Variants in ITPR2 observed in about 807,000 individuals in gnomAD.
ITPR2 encodes inositol 1,4,5-trisphosphate receptor type 2, also known as inositol 1,4,5-trisphosphate-gated calcium channel ITPR2.
In ITPR2, 207 loss-of-function variants were observed where a neutral mutation model predicts 317.1. That is an observed-to-expected ratio of 0.65 (90% CI 0.58 to 0.73). The LOEUF is 0.73. Ranked by LOEUF, ITPR2 falls within the 30% of genes least tolerant of loss-of-function variation. The probability of loss-of-function intolerance (pLI) is 0.00; values close to 1 mark genes in which losing one functional copy is unlikely to be tolerated. For synonymous variants in ITPR2, 1,156 were observed against 1,149.1 expected, an observed-to-expected ratio of 1.01 and a Z score of -0.12; for missense variants, 2,613 against 3,284.0, an observed-to-expected ratio of 0.80 and a Z score of 4.99.
intron 21 of ITPR2, among the ~76,000 whole-genome samples, chr12:26,634,416 A>G (rs1221702381): frequency 6.6e-6 from 1 of 152,226 alleles, no homozygotes; most frequent in East Asian, 1.9e-4. Flanking sequence ...TATTGACTGG[A>G]AAGTTTTCAG....
chr12:26,727,443 T>G (rs1182641382), intron 2 of ITPR2, among the ~76,000 whole-genome samples: 2 of 152,238 alleles, frequency 1.3e-5, no homozygotes, highest in African/African-American at 2.4e-5. Context: ...GAAAAAATTG[T>G]GTTTCTCTTC....
chr12:26,584,544 G>A (rs1284233332), intron 32 of ITPR2, among the ~76,000 whole-genome samples: 1 of 152,062 alleles, frequency 6.6e-6, no homozygotes. Flanking sequence ...CCCTTCCAAG[G>A]ATGATCGTCT....
intron 2 of ITPR2, among the ~76,000 whole-genome samples, chr12:26,744,304 C>T (rs2137089163): frequency 6.6e-6 from 1 of 152,348 alleles, no homozygotes; most frequent in Non-Finnish European, 1.5e-5. Context: ...CCCAGCCACA[C>T]CATCCTACTT....
intron 52 of ITPR2, among the ~76,000 whole-genome samples, chr12:26,404,745 G>C (rs1268313406): frequency 1.3e-5 from 2 of 152,164 alleles, no homozygotes; most frequent in Non-Finnish European, 2.9e-5. Context: ...GAAAGAGAGA[G>C]AACAGATGAT....
intron 15 of ITPR2, among the ~76,000 whole-genome samples, chr12:26,659,598 A>G (rs1947451024): frequency 6.6e-6 from 1 of 152,224 alleles, no homozygotes; most frequent in Non-Finnish European, 1.5e-5. Context: ...TTTATGACAC[A>G]ATAACTTTGG....
chr12:26,666,387 C>T (rs769762142), intron 13 of ITPR2, among the ~76,000 whole-genome samples: 1 of 152,188 alleles, frequency 6.6e-6, no homozygotes, highest in Non-Finnish European at 1.5e-5. Context: ...TCTCATCAAG[C>T]GTTTGCAGAC....
At chr12:26,725,239 G>C (rs921243467) in intron 3 of ITPR2, among the ~76,000 whole-genome samples, 1 of 152,086 alleles carries the variant, frequency 6.6e-6, no homozygotes, top group African/African-American at 2.4e-5. Flanking sequence ...TTTTAATGAG[G>C]CAAAATTAAG....
chr12:26,823,031 C>G (rs1950961283), intron 1 of ITPR2, among the ~76,000 whole-genome samples: 1 of 152,044 alleles, frequency 6.6e-6, no homozygotes, highest in Non-Finnish European at 1.5e-5. Flanking sequence ...GACAAATATT[C>G]TAATGATCCT....
At position 26,409,438 on chromosome 12, in the gene ITPR2, C is replaced by T. The variant is rs867018370; in HGVS notation, c.7399+1882G>A. ...GAATTGCACAAAATGCAACCATGTCCATGTGAGAGCATGTTCTAGTGCTTA... is the reference window on the plus strand; with the variant it reads ...GAATTGCACAAAATGCAACCATGTCTATGTGAGAGCATGTTCTAGTGCTTA... On this transcript the variant is annotated intron_variant, in intron 52 of 56. Coordinates refer to ENST00000381340, the MANE Select transcript of ITPR2 (RefSeq NM_002223.4). Among the ~76,000 whole-genome samples, 3 of 152,258 alleles carry T rather than the reference C, an allele frequency of 2.0e-5. No individual in the cohort carries two copies. In the South Asian group the frequency reaches 6.2e-4, roughly 32 times the overall value.
chr12:26,809,836 A>T (rs1459791858), intron 1 of ITPR2, among the ~76,000 whole-genome samples: 2 of 151,272 alleles, frequency 1.3e-5, no homozygotes, highest in East Asian at 3.9e-4. Flanking sequence ...TTAATAATAG[A>T]CTCCCTCTTT....
Position 26,430,169 on chromosome 12 carries a change from A to G in ITPR2, c.6770-2081T>C, listed in dbSNP as rs1327089403. Among the ~76,000 whole-genome samples, 3 of 152,268 alleles carry G rather than the reference A, an allele frequency of 2.0e-5. No homozygotes were observed. In the East Asian group the frequency reaches 5.8e-4, roughly 29 times the overall value. ...AAAGTTATTTAAAACAGCTATTGCC[A>G]ATGTTTATAATTAACTTCTCTAAGA... On this transcript the variant is annotated intron_variant, in intron 48 of 56. Coordinates refer to ENST00000381340, the MANE Select transcript of ITPR2 (RefSeq NM_002223.4).
intron 1 of ITPR2, among the ~76,000 whole-genome samples, chr12:26,799,331 A>G (rs961233879): frequency 6.6e-5 from 10 of 152,262 alleles, no homozygotes; most frequent in Admixed American, 5.9e-4. Context: ...GATGAATGCT[A>G]TCACCCTGAC....
chr12:26,388,630 CT>C (rs537635641), intron 54 of ITPR2, among the ~76,000 whole-genome samples: 116 of 147,118 alleles, frequency 7.9e-4, no homozygotes, highest in Non-Finnish European at 1.1e-3. Flanking sequence ...ATTTTTGTAT[CT>C]TTTTTTTTTT....
At chr12:26,499,966 C>G (rs1943033458) in intron 37 of ITPR2, among the ~76,000 whole-genome samples, 1 of 152,136 alleles carries the variant, frequency 6.6e-6, no homozygotes, top group African/African-American at 2.4e-5. Context: ...CTAAGACAAA[C>G]TCTGGTGCTA....
chr12:26,567,999 ATATATAT>A (rs1945046469), intron 34 of ITPR2, among the ~76,000 whole-genome samples: 2 of 5,132 alleles, frequency 3.9e-4, no homozygotes, highest in East Asian at 1.6e-3. Context: ...TATATATATT[ATATATAT>A]TATATATATA....
intron 39 of ITPR2, among the ~76,000 whole-genome samples, chr12:26,487,668 A>G (rs909526189): frequency 1.3e-5 from 2 of 152,246 alleles, no homozygotes; most frequent in Non-Finnish European, 2.9e-5. Context: ...ATGGAAACCA[A>G]CAACAATCCT....
At chr12:26,571,235 T>C (rs1004563831) in intron 34 of ITPR2, among the ~76,000 whole-genome samples, 3 of 152,204 alleles carry the variant, frequency 2.0e-5, no homozygotes, top group Non-Finnish European at 2.9e-5. Context: ...ATATTCACAA[T>C]TGATCGTGGC....
At chr12:26,541,066 G>C (rs2136982072) in intron 37 of ITPR2, among the ~76,000 whole-genome samples, 1 of 150,988 alleles carries the variant, frequency 6.6e-6, no homozygotes, top group African/African-American at 2.4e-5. Context: ...CCAGCACTTT[G>C]GGAGGCCGAG....
At chr12:26,651,758 T>C (rs1947260786) in intron 21 of ITPR2, among the ~76,000 whole-genome samples, 1 of 152,228 alleles carries the variant, frequency 6.6e-6, no homozygotes, top group Non-Finnish European at 1.5e-5. Context: ...ATAGGATCTC[T>C]TGTTCAACAT....
Sources: gnomAD v4.1 joint callset for allele counts (sites outside exome capture counted in the v4.1 genomes callset) on GRCh38, gnomAD v4.1.1 for gene constraint, MANE v1.5 for transcripts, NCBI Gene and HGNC (gene_info 2026-07-23, HGNC 2026-07-21) for gene names.